ZFAND3: variants seen among roughly 807,000 people sequenced by gnomAD.
ZFAND3 encodes the protein zinc finger AN1-type containing 3.
ZFAND3 carries 10 observed loss-of-function variants against 29.6 expected under a neutral mutation model. The observed-to-expected ratio is 0.34, with a 90% confidence interval of 0.21 to 0.57. ZFAND3 has a LOEUF of 0.57. Among genes scored for constraint, ZFAND3 ranks in the 20% least tolerant of loss-of-function variants. ZFAND3 has a pLI of 0.86. For synonymous variants in ZFAND3, 128 were observed against 112.6 expected (o/e 1.14, Z -0.87); for missense variants, 230 against 304.5 (o/e 0.76, Z 1.82).
At chr6:38,102,630 C>T (rs531490109) in intron 4 of ZFAND3, among the ~76,000 whole-genome samples, 39 of 152,320 alleles carry the variant, frequency 2.6e-4, no homozygotes, top group Admixed American at 1.8e-3. Context: ...GAAGTGCCCA[C>T]AGTTGCAGGT....
At chr6:37,871,150 A>G (rs1457349277) in intron 1 of ZFAND3, among the ~76,000 whole-genome samples, 2 of 152,230 alleles carry the variant, frequency 1.3e-5, no homozygotes, top group Non-Finnish European at 2.9e-5. Flanking sequence ...ATGTTGTAAT[A>G]CACAGTACTC....
intron 5 of ZFAND3, 77 bp from the exon 6 acceptor site, chr6:38,152,158 C>A: frequency 7.3e-7 from 1 of 1,367,312 alleles, no homozygotes. Context: ...ATCCTCTGGA[C>A]AAAGGCAATT....
chr6:38,071,311 T>C (rs1451585146), intron 3 of ZFAND3, among the ~76,000 whole-genome samples: 1 of 152,078 alleles, frequency 6.6e-6, no homozygotes, highest in Non-Finnish European at 1.5e-5. Context: ...TATAAAAATA[T>C]TTTTCTATGT....
chr6:38,002,288 T>TC lies in ZFAND3; in HGVS notation c.113-59305_113-59304insC, dbSNP rs546995149. On this transcript the variant is annotated intron_variant, in intron 2 of 5. Transcript: ENST00000287218. ...TTACACTACTGTATTTTCTTTTCTT[T>TC]TTTTTTTTTTTTTAAAGAAAACAGT... Among the ~76,000 whole-genome samples, 7 of 150,790 alleles carry TC rather than the reference T, an allele frequency of 4.6e-5. No homozygotes were observed. In the South Asian group the frequency reaches 8.4e-4, roughly 18 times the overall value.
At chr6:37,958,082 T>TA (rs930238310) in intron 2 of ZFAND3, among the ~76,000 whole-genome samples, 23 of 152,332 alleles carry the variant, frequency 1.5e-4, no homozygotes, top group Admixed American at 5.2e-4. Flanking sequence ...CATAAAATTT[T>TA]AAAAAATATT....
rs567806909 is a variant in ZFAND3 at position 38,047,933 on chromosome 6, A to T, written c.113-13660A>T. Reference sequence around the variant, plus strand: ...TGACTGATAATAAGAACCGTAGGTTAAGAAGATCTGTTCCAGACCTAGGTT... The same window carrying T: ...TGACTGATAATAAGAACCGTAGGTTTAGAAGATCTGTTCCAGACCTAGGTT... On this transcript the variant is annotated intron_variant, in intron 2 of 5. Transcript: ENST00000287218. Among the ~76,000 whole-genome samples the T allele has an allele frequency of 2.0e-5, 3 of 152,156 alleles. No homozygotes were observed. The East Asian group carries it at 5.8e-4, about 29-fold the overall frequency.
chr6:37,916,064 C>T (rs1187736768), intron 1 of ZFAND3, among the ~76,000 whole-genome samples: 13 of 148,354 alleles, frequency 8.8e-5, no homozygotes, highest in African/African-American at 2.0e-4. Context: ...CCACTGTGCC[C>T]GGCTGCTGTG....
At chr6:38,047,459 A>G (rs1007534824) in intron 2 of ZFAND3, among the ~76,000 whole-genome samples, 1 of 152,096 alleles carries the variant, frequency 6.6e-6, no homozygotes, top group Non-Finnish European at 1.5e-5. Flanking sequence ...GCCTATATGC[A>G]TATACAATAT....
chr6:37,908,403 C>G (rs1357054525), intron 1 of ZFAND3, among the ~76,000 whole-genome samples: 1 of 151,824 alleles, frequency 6.6e-6, no homozygotes, highest in Non-Finnish European at 1.5e-5. Flanking sequence ...CAAGTTCTCC[C>G]CTTGTGTAGA....
intron 1 of ZFAND3, among the ~76,000 whole-genome samples, chr6:37,827,637 A>G (rs1267832805): frequency 6.6e-6 from 1 of 152,214 alleles, no homozygotes; most frequent in African/African-American, 2.4e-5. Flanking sequence ...ACCCAGGCTA[A>G]TAGAAATAAG....
chr6:38,100,884 G>A (rs1765079698), intron 4 of ZFAND3, among the ~76,000 whole-genome samples: 1 of 152,152 alleles, frequency 6.6e-6, no homozygotes, highest in Admixed American at 6.5e-5. Flanking sequence ...ATACATGTAT[G>A]CATGTGTATT....
At chr6:37,997,194 TTTC>T (rs1462970479) in intron 2 of ZFAND3, among the ~76,000 whole-genome samples, 1 of 152,252 alleles carries the variant, frequency 6.6e-6, no homozygotes, top group Non-Finnish European at 1.5e-5. Context: ...TTTATACTGT[TTTC>T]TTATTTCCAT....
At chr6:38,139,459 A>G (rs1765904813) in intron 5 of ZFAND3, among the ~76,000 whole-genome samples, 1 of 152,196 alleles carries the variant, frequency 6.6e-6, no homozygotes, top group African/African-American at 2.4e-5. Flanking sequence ...CCTTGAAAGC[A>G]TCCAACTGGG....
intron 1 of ZFAND3, among the ~76,000 whole-genome samples, chr6:37,844,784 G>T (rs541742807): frequency 6.6e-6 from 1 of 151,510 alleles, no homozygotes; most frequent in Non-Finnish European, 1.5e-5. Context: ...GGAGGCCGAC[G>T]TGGGCGGATC....
intron 5 of ZFAND3, 25 bp downstream of exon 5, chr6:38,116,764 A>T: frequency 6.2e-7 from 1 of 1,610,312 alleles, no homozygotes; most frequent in Non-Finnish European, 8.5e-7. Flanking sequence ...CAGTGGCGTG[A>T]TGGAGACTAT....
chr6:37,952,267 A>G (rs1034191805), intron 2 of ZFAND3, among the ~76,000 whole-genome samples: 1 of 152,108 alleles, frequency 6.6e-6, no homozygotes, highest in African/African-American at 2.4e-5. Flanking sequence ...CAATAGTTTC[A>G]GTATGATTGG....
chr6:37,947,627 A>G (rs954307950), intron 2 of ZFAND3, among the ~76,000 whole-genome samples: 1 of 152,194 alleles, frequency 6.6e-6, no homozygotes, highest in Non-Finnish European at 1.5e-5. Flanking sequence ...ATTAAGAGGA[A>G]ACAATGACTC....
chr6:37,946,333 C>T (rs1267333387), intron 2 of ZFAND3, among the ~76,000 whole-genome samples: 7 of 152,224 alleles, frequency 4.6e-5, no homozygotes, highest in East Asian at 3.9e-4. Context: ...ACATTATTAG[C>T]GCTTTTGTCT....
chr6:38,117,913 C>T (rs1765452973), intron 5 of ZFAND3, among the ~76,000 whole-genome samples: 1 of 152,202 alleles, frequency 6.6e-6, no homozygotes, highest in African/African-American at 2.4e-5. Flanking sequence ...TACGTTGGAA[C>T]TCCTATTCCT....
Sources: allele counts gnomAD v4.1 joint callset (sites outside exome capture counted in the v4.1 genomes callset), GRCh38; gene constraint gnomAD v4.1.1; transcripts MANE v1.5; gene names NCBI Gene and HGNC (gene_info 2026-07-23, HGNC 2026-07-21).